Variants in AJUBA observed in about 807,000 individuals in gnomAD.
AJUBA encodes the protein ajuba LIM protein, also known as LIM domain-containing protein ajuba.
A neutral mutation model predicts 53.3 loss-of-function variants in AJUBA; 20 were observed. That is an observed-to-expected ratio of 0.38 (90% CI 0.26 to 0.55). AJUBA has a LOEUF of 0.55. Ranked by LOEUF, AJUBA falls within the 20% of genes least tolerant of loss-of-function variation. The probability of loss-of-function intolerance (pLI) is 0.80; values close to 1 mark genes in which losing one functional copy is unlikely to be tolerated. For missense variants in AJUBA, 580 were observed against 730.5 expected (o/e 0.79, Z 2.38); for synonymous variants, 296 against 306.2 (o/e 0.97, Z 0.35).
Position 22,981,826 on chromosome 14 carries a change from C to T in AJUBA, c.441G>A (p.Ala147=). 1 of 1,533,904 alleles carries T rather than the reference C, an allele frequency of 6.5e-7. No homozygotes were observed. The highest frequency in any genetic ancestry group is 8.7e-7 in the Non-Finnish European group (1 of 1,146,118). The change falls in exon 1 of 8, where the codon GCG becomes GCA. Residue 147 remains alanine (A), a synonymous_variant. Transcript: ENST00000262713. ...SPRGSLLLDG[A]GAGGAGGSRP... ...GGCTACCTCCAGCTCCGCCAGCCCC[C>T]GCCCCGTCCAGCAGCAGGCTGCCCC...
chr14:22,974,656 C>A (rs571190187), intron 6 of AJUBA, 183 bp downstream of exon 6: 5 of 640,614 alleles, frequency 7.8e-6, no homozygotes, highest in Admixed American at 3.2e-5. Context: ...GGCTTTCAGA[C>A]ATGTCCAGGC....
chr14:22,975,335 C>T (rs1032165116), intron 4 of AJUBA: 8 of 499,414 alleles, frequency 1.6e-5, no homozygotes, highest in Non-Finnish European at 2.8e-5. Flanking sequence ...TCAGGATCAC[C>T]TAGGCAGCTT....
rs767483160 is a variant in AJUBA at position 22,982,109 on chromosome 14, G to A, written c.158C>T (p.Thr53Ile). The A allele has an allele frequency of 6.3e-7, 1 of 1,597,886 alleles. No homozygotes were observed. Among genetic ancestry groups the A allele is most frequent in the African/African-American group, 1.3e-5 (1 of 74,238 alleles). Residue 53 changes from threonine (T) to isoleucine (I), a missense_variant, in exon 1 of 8, where the codon ACT becomes ATT. Transcript: ENST00000262713. ...CAACGGCTCATCCCCAGGTCCCCCA[G>A]TAGCTCCTCGGGGCCCTGACTTCCT... ...GPRKSGPRGA[T>I]GGPGDEPLEP... is the part of the protein sequence containing the mutation.
rs1202922240 is a variant in AJUBA at position 22,979,812 on chromosome 14, C to G, written c.1007-1367G>C. ...TTCCTGCCATTTTATTGCAGTTTCT[C>G]TGAGTTCCTTTCTTCCTTTTGGCTC... is the stretch of plus-strand genomic sequence containing the variant. On this transcript the variant is annotated intron_variant, in intron 1 of 7. Coordinates refer to ENST00000262713, the MANE Select transcript of AJUBA (RefSeq NM_032876.6). This position sits in a 1 kb window ranked among gnomAD's most constrained non-coding sequence, Gnocchi z 4.0. Among the ~76,000 whole-genome samples the G allele has an allele frequency of 2.0e-5, 3 of 152,204 alleles. No homozygotes were observed. Among genetic ancestry groups the G allele is most frequent in the African/African-American group, 4.8e-5 (2 of 41,458 alleles).
In AJUBA at chr14:22,981,465, C is replaced by A; in HGVS notation, c.802G>T (p.Gly268Trp). The part of the protein sequence containing the change: ...QPGRHSVTGY[G>W]DCAVGARYQD... ...TACCGGGCGCCCACGGCGCAGTCCC[C>A]GTAGCCGGTCACAGAGTGTCGTCCG... The change falls in exon 1 of 8, where the codon GGG (glycine) becomes TGG (tryptophan). Residue 268 changes from glycine to tryptophan, a missense_variant. Around this residue, in one of 2 missense-constraint regions of AJUBA, gnomAD observed 430 missense variants for 471.5 expected, o/e 0.91. Coordinates refer to ENST00000262713, the MANE Select transcript of AJUBA (RefSeq NM_032876.6). 1 of 1,607,478 alleles carries A rather than the reference C, an allele frequency of 6.2e-7. No homozygotes were observed. Among genetic ancestry groups the A allele is most frequent in the African/African-American group, 1.3e-5 (1 of 74,988 alleles).
chr14:22,975,105 C>A lies in AJUBA; in HGVS notation c.1240-1G>T. 6.2e-7 allele frequency: 1 copy of A among 1,610,052 alleles called. No individual in the cohort carries two copies. The highest frequency in any genetic ancestry group is 8.5e-7 in the Non-Finnish European group (1 of 1,177,984). On this transcript the variant is annotated splice_acceptor_variant, in intron 4 of 7. Transcript: ENST00000262713. LOFTEE classifies it high-confidence loss of function. ...AGGACTTCCCCATTGCTTGTAGGAT[C>A]TGGCTCATGGGGTAGCAAGAGAATC...
intron 6 of AJUBA, 71 bp from the exon 7 acceptor site, chr14:22,974,186 A>G (rs2045012569): frequency 6.7e-7 from 1 of 1,488,250 alleles, no homozygotes; most frequent in Non-Finnish European, 9.4e-7. Context: ...CTCATATACA[A>G]CCCTTCCCAC....
intron 2 of AJUBA, chr14:22,977,601 C>T (rs1484771527): frequency 1.3e-5 from 2 of 152,050 alleles, no homozygotes; most frequent in Non-Finnish European, 2.9e-5. Context: ...GCCCTGTAAA[C>T]AGAAGGATAG....
At position 22,974,041 on chromosome 14, in the gene AJUBA, A is replaced by G; in HGVS notation, c.1491+6T>C. On this transcript the variant is annotated splice_donor_region_variant and intron_variant, in intron 7 of 7. Transcript: ENST00000262713. ...TTCTCCAGCACCGCTGAACCCCAACACTCACCTCACAGTGGTAGCACTCAA... is the reference window on the plus strand; with the variant it reads ...TTCTCCAGCACCGCTGAACCCCAACGCTCACCTCACAGTGGTAGCACTCAA... 1.9e-6 allele frequency: 3 copies of G among 1,613,596 alleles called. No homozygotes were observed. Among genetic ancestry groups the G allele is most frequent in the Non-Finnish European group, 2.5e-6 (3 of 1,179,884 alleles).
chr14:22,981,486 G>T lies in AJUBA; in HGVS notation c.781C>A (p.Arg261=), dbSNP rs2045094156. The T allele has an allele frequency of 6.3e-7, 1 of 1,598,982 alleles. No homozygotes were observed. The highest frequency in any genetic ancestry group is 8.5e-7 in the Non-Finnish European group (1 of 1,174,608). The stretch of plus-strand genomic sequence containing the variant: ...TCCCCGTAGCCGGTCACAGAGTGTC[G>T]TCCGGGTTGCGCCCCCCGTCTCTCC... ...PLERRGAQPG[R]HSVTGYGDCA... is the part of the protein sequence containing the mutation. The change falls in exon 1 of 8, where the codon CGA becomes AGA. Residue 261 remains arginine, a synonymous_variant. Coordinates refer to ENST00000262713, the MANE Select transcript of AJUBA (RefSeq NM_032876.6).
In AJUBA at chr14:22,974,897, G is replaced by C. The variant is rs575989495; in HGVS notation, c.1371-7C>G. Reference sequence around the variant, plus strand: ...ACACTTAGGAGCATAATTTCTGAAAGAGAGAGGGAAGAGATGAGCTGAGGC... The same window carrying C: ...ACACTTAGGAGCATAATTTCTGAAACAGAGAGGGAAGAGATGAGCTGAGGC... On this transcript the variant is annotated splice_region_variant and splice_polypyrimidine_tract_variant and intron_variant, in intron 5 of 7. Coordinates refer to ENST00000262713, the MANE Select transcript of AJUBA (RefSeq NM_032876.6). The C allele has an allele frequency of 6.2e-7, 1 of 1,613,880 alleles. No individual in the cohort carries two copies. Among genetic ancestry groups the C allele is most frequent in the Non-Finnish European group, 8.5e-7 (1 of 1,179,900 alleles).
Position 22,979,957 on chromosome 14 carries a change from C to T in AJUBA, c.1006+1304G>A, listed in dbSNP as rs1384360000. On this transcript the variant is annotated intron_variant, in intron 1 of 7. Coordinates refer to ENST00000262713, the MANE Select transcript of AJUBA (RefSeq NM_032876.6). This position sits in a 1 kb window ranked among gnomAD's most constrained non-coding sequence, Gnocchi z 4.0. ...TCAAAGCGGTTTGGCATCATCTCCT[C>T]TGGGCTTTCCTCTCGGTGGATTTGG... Among the ~76,000 whole-genome samples, 1 of 151,372 alleles carries T rather than the reference C, an allele frequency of 6.6e-6. No homozygotes were observed. The highest frequency in any genetic ancestry group is 1.5e-5 in the Non-Finnish European group (1 of 67,908).
At chr14:22,976,557 A>G (rs918508011) in intron 3 of AJUBA, 39 bp from the exon 4 acceptor site, 5 of 1,613,654 alleles carry the variant, frequency 3.1e-6, no homozygotes, top group Non-Finnish European at 4.2e-6. Flanking sequence ...CTGTTATCAA[A>G]CTGAGAATGA....
chr14:22,977,470 C>G (rs150509111), intron 2 of AJUBA: 1 of 152,526 alleles, frequency 6.6e-6, no homozygotes, highest in Non-Finnish European at 1.5e-5. Flanking sequence ...ATTTTCCCAC[C>G]TTTGCCTTCT....
Position 22,982,022 on chromosome 14 carries a change from G to A in AJUBA, c.245C>T (p.Ala82Val). ...AERNQRGSFE[A>V]PRYEGSFPAG... ...GGGAAAAGAGCCTTCGTAGCGCGGC[G>A]CCTCAAAGGAGCCGCGCTGATTTCG... The change falls in exon 1 of 8, where the codon GCG becomes GTG. Residue 82 changes from alanine (A) to valine (V), a missense_variant. Transcript: ENST00000262713. The A allele has an allele frequency of 6.3e-7, 1 of 1,587,076 alleles. No homozygotes were observed. Among genetic ancestry groups the A allele is most frequent in the Non-Finnish European group, 8.5e-7 (1 of 1,171,784 alleles).
intron 2 of AJUBA, among the ~76,000 whole-genome samples, chr14:22,978,050 C>G (rs1407000281): frequency 2.0e-5 from 3 of 151,012 alleles, no homozygotes; most frequent in Non-Finnish European, 4.4e-5. Context: ...AGCTGGAGGG[C>G]CAGGCAAGTC....
chr14:22,980,990 G>A (rs2045084831), intron 1 of AJUBA, among the ~76,000 whole-genome samples: 2 of 152,024 alleles, frequency 1.3e-5, no homozygotes, highest in South Asian at 4.1e-4. Context: ...GCCTCCTGCC[G>A]CAAAAAACCG....
Position 22,981,946 on chromosome 14 carries a change from G to C in AJUBA, c.321C>G (p.Pro107=). The C allele has an allele frequency of 6.4e-7, 1 of 1,569,442 alleles. No homozygotes were observed. The highest frequency in any genetic ancestry group is 8.6e-7 in the Non-Finnish European group (1 of 1,162,452). Residue 107 remains proline, a synonymous_variant, in exon 1 of 8, where the codon CCC becomes CCG. Transcript: ENST00000262713. ...RALPLPQSLP[P]DFRLEPTAPA... ...GGGCCGTGGGCTCCAGCCGAAAATC[G>C]GGGGGCAACGACTGAGGTAGAGGCA...
At position 22,981,406 on chromosome 14, in the gene AJUBA, C is replaced by T. The variant is rs755991963; in HGVS notation, c.861G>A (p.Thr287=). The T allele has an allele frequency of 1.2e-6, 2 of 1,612,650 alleles. No individual in the cohort carries two copies. The change falls in exon 1 of 8, where the codon ACG becomes ACA. Residue 287 remains threonine, a synonymous_variant. Coordinates refer to ENST00000262713, the MANE Select transcript of AJUBA (RefSeq NM_032876.6). ...QDELTALLRL[T]VGTGGREAGA... ...CGGCTTCTCGCCCACCGGTGCCCAC[C>T]GTCAGGCGAAGCAAAGCTGTTAGCT...
Sources: allele counts gnomAD v4.1 joint callset (sites outside exome capture counted in the v4.1 genomes callset), GRCh38; gene constraint gnomAD v4.1.1; regional missense constraint gnomAD v4.1.1; non-coding constraint Gnocchi (gnomAD v3.1); transcripts MANE v1.5; gene names NCBI Gene and HGNC (gene_info 2026-07-23, HGNC 2026-07-21).